Variants in PCDHGB6 observed in about 807,000 individuals in gnomAD.
PCDHGB6 encodes the protein protocadherin gamma-B6.
In PCDHGB6, 51 loss-of-function variants were observed where a neutral mutation model predicts 59.1. That is an observed-to-expected ratio of 0.86 (90% CI 0.69 to 1.09). The LOEUF (loss-of-function observed/expected upper bound fraction) is 1.09, where lower values mean the gene tolerates loss of function less well. Ranked by LOEUF, PCDHGB6 falls within the 50% of genes least tolerant of loss-of-function variation. The pLI is 0.00. For missense variants in PCDHGB6, 1,148 were observed against 1,205.1 expected (o/e 0.95, Z 0.70); for synonymous variants, 466 against 495.1 (o/e 0.94, Z 0.78).
intron 1 of PCDHGB6, among the ~76,000 whole-genome samples, chr5:141,492,418 C>T (rs1428695013): frequency 2.0e-5 from 3 of 152,236 alleles, no homozygotes; most frequent in Admixed American, 1.3e-4. Flanking sequence ...CCGCTCCCTC[C>T]GCCGGGCTCA....
intron 1 of PCDHGB6, among the ~76,000 whole-genome samples, chr5:141,492,876 G>A (rs2099744774): frequency 6.6e-6 from 1 of 152,184 alleles, no homozygotes; most frequent in African/African-American, 2.4e-5. Context: ...TCAACCCCCA[G>A]AGATACAGGC....
In PCDHGB6 at chr5:141,485,031, C is replaced by A; in HGVS notation, c.2419-9776C>A. On this transcript the variant is annotated intron_variant, in intron 1 of 3. Coordinates refer to ENST00000520790, the MANE Select transcript of PCDHGB6 (RefSeq NM_018926.3). The surrounding 1 kb of genome is among the most constrained non-coding windows in gnomAD (Gnocchi z 5.7). Reference sequence around the variant, plus strand: ...TACCCCGCCACCAGCAAAAACGGCGCGTAACCCTTGCGGCGCCGGCCGAAC... The same window carrying A: ...TACCCCGCCACCAGCAAAAACGGCGAGTAACCCTTGCGGCGCCGGCCGAAC... The A allele has an allele frequency of 1.5e-6, 1 of 680,514 alleles. No homozygotes were observed. Among genetic ancestry groups the A allele is most frequent in the South Asian group, 1.8e-5 (1 of 54,868 alleles). 42.2% of individuals were successfully genotyped at this position (680,514 alleles called of 1,614,324 possible). A position where few individuals can be genotyped will look rare whatever the true frequency, so the allele number is the denominator to read the frequency against.
intron 1 of PCDHGB6, chr5:141,423,450 T>G (rs571358720): frequency 1.2e-6 from 2 of 1,614,050 alleles, no homozygotes; most frequent in East Asian, 4.5e-5. Flanking sequence ...CGTCACATTT[T>G]GTAGGCGTGG....
At position 141,486,634 on chromosome 5, in the gene PCDHGB6, T is replaced by C; in HGVS notation, c.2419-8173T>C. 1 of 1,613,762 alleles carries C rather than the reference T, an allele frequency of 6.2e-7. No individual in the cohort carries two copies. The highest frequency in any genetic ancestry group is 8.5e-7 in the Non-Finnish European group (1 of 1,180,044). ...CCTCTGACCCAGACTCTGGCTTGAA[T>C]GCGCTTATCTCCTACTCACTCCTGG... On this transcript the variant is annotated intron_variant, in intron 1 of 3. Coordinates refer to ENST00000520790, the MANE Select transcript of PCDHGB6 (RefSeq NM_018926.3). The surrounding 1 kb of genome is among the most constrained non-coding windows in gnomAD (Gnocchi z 5.0).
intron 1 of PCDHGB6, among the ~76,000 whole-genome samples, chr5:141,473,191 G>A (rs28479996): frequency 0.019 from 2,957 of 152,242 alleles, 87 homozygotes; most frequent in African/African-American, 0.062. Context: ...AGGAGTAAAT[G>A]TATCTTCTAA....
Position 141,421,318 on chromosome 5 carries a change from C to T in PCDHGB6, c.2418+10698C>T, listed in dbSNP as rs370020854. 5.6e-6 allele frequency: 9 copies of T among 1,613,824 alleles called. No homozygotes were observed. In the East Asian group the frequency reaches 2.0e-4, roughly 36 times the overall value. On this transcript the variant is annotated intron_variant, in intron 1 of 3. Coordinates refer to ENST00000520790, the MANE Select transcript of PCDHGB6 (RefSeq NM_018926.3). ...GACGCTGCGGGGGTTCCGGGCCAGG[C>T]AGATCCGATATTCGGTGCCAGAAGA...
Position 141,410,158 on chromosome 5 carries a change from G to A in PCDHGB6, c.1956G>A (p.Pro652=), listed in dbSNP as rs755466762. 6.2e-7 allele frequency: 1 copy of A among 1,613,398 alleles called. No individual in the cohort carries two copies. Among genetic ancestry groups the A allele is most frequent in the Admixed American group, 1.7e-5 (1 of 59,984 alleles). Residue 652 remains proline, a synonymous_variant, in exon 1 of 4, where the codon CCG becomes CCA. Transcript: ENST00000520790. ...TCGCTGTGCGTGACGGTGGACAGCC[G>A]CCACTCTCTGCCACCGCCACGCTTC... ...LLVAVRDGGQ[P]PLSATATLHL...
In PCDHGB6 at chr5:141,409,743, T is replaced by C; in HGVS notation, c.1541T>C (p.Val514Ala). Residue 514 changes from valine (V) to alanine (A), a missense_variant, in exon 1 of 4, where the codon GTG (valine) becomes GCG (alanine). Around this residue, in one of 5 missense-constraint regions of PCDHGB6, gnomAD observed 549 missense variants for 527.5 expected, o/e 1.04. Transcript: ENST00000520790. ...YVSVSAQSGVVFAQRAFDHEQ... is the reference protein window; with the variant it reads ...YVSVSAQSGVAFAQRAFDHEQ... ...TCAGTGAGCGCGCAGAGCGGGGTGGTGTTCGCGCAGCGCGCCTTTGATCAC... is the reference window on the plus strand; with the variant it reads ...TCAGTGAGCGCGCAGAGCGGGGTGGCGTTCGCGCAGCGCGCCTTTGATCAC... 2 of 1,613,048 alleles carry C rather than the reference T, an allele frequency of 1.2e-6. No homozygotes were observed. The highest frequency in any genetic ancestry group is 1.7e-6 in the Non-Finnish European group (2 of 1,179,864).
rs2099748976 is a variant in PCDHGB6, at chr5:141,493,566, C to G, written c.2419-1241C>G. Among the ~76,000 whole-genome samples, 1 of 152,168 alleles carries G rather than the reference C, an allele frequency of 6.6e-6. No individual in the cohort carries two copies. Among genetic ancestry groups the G allele is most frequent in the African/African-American group, 2.4e-5 (1 of 41,436 alleles). ...TTTTGGAGATTGAGTTCCCCCAGCT[C>G]CGTTTCCTCCTATCACAATCACTGC... is the stretch of plus-strand genomic sequence containing the variant. On this transcript the variant is annotated intron_variant, in intron 1 of 3. Transcript: ENST00000520790. The surrounding 1 kb of genome is among the most constrained non-coding windows in gnomAD (Gnocchi z 4.3).
intron 1 of PCDHGB6, chr5:141,423,134 G>A: frequency 6.2e-7 from 1 of 1,613,680 alleles, no homozygotes; most frequent in South Asian, 1.1e-5. Flanking sequence ...CTGCTGGACA[G>A]AGACGCGCTC....
At chr5:141,450,653 A>AT (rs2098689237) in intron 1 of PCDHGB6, among the ~76,000 whole-genome samples, 1 of 151,192 alleles carries the variant, frequency 6.6e-6, no homozygotes, top group Non-Finnish European at 1.5e-5. Context: ...TGCCTGGCTA[A>AT]TTTTTGTACT....
intron 2 of PCDHGB6, among the ~76,000 whole-genome samples, chr5:141,503,998 A>G (rs746158378): frequency 4.6e-5 from 7 of 152,104 alleles, no homozygotes; most frequent in Admixed American, 1.3e-4. Context: ...CCTTACAGTC[A>G]CTTAACTGTC....
intron 1 of PCDHGB6, among the ~76,000 whole-genome samples, chr5:141,438,629 TATATATACACACAC>T (rs1468553117): frequency 3.8e-3 from 181 of 48,054 alleles, no homozygotes; most frequent in Non-Finnish European, 5.4e-3. Flanking sequence ...TATATATATA[TATATATACACACAC>T]ACACACACAT....
At chr5:141,419,723 C>G (rs373666366) in intron 1 of PCDHGB6, 1 of 1,613,174 alleles carries the variant, frequency 6.2e-7, no homozygotes, top group African/African-American at 1.3e-5. Context: ...CCTGGGGCTG[C>G]GAACAGGCGA....
In PCDHGB6 at chr5:141,431,118, A is replaced by T. The variant is rs2097344347; in HGVS notation, c.2418+20498A>T. On this transcript the variant is annotated intron_variant, in intron 1 of 3. Coordinates refer to ENST00000520790, the MANE Select transcript of PCDHGB6 (RefSeq NM_018926.3). This position sits in a 1 kb window ranked among gnomAD's most constrained non-coding sequence, Gnocchi z 4.8. ...GATAAAGTGAAAATATATGGAGTAG[A>T]AGTAGAAGTAAGGGACATTAACGAC... is the stretch of plus-strand genomic sequence containing the variant. The T allele has an allele frequency of 6.2e-7, 1 of 1,614,182 alleles. No homozygotes were observed. Among genetic ancestry groups the T allele is most frequent in the African/African-American group, 1.3e-5 (1 of 75,070 alleles).
chr5:141,475,929 C>A, intron 1 of PCDHGB6: 1 of 634,624 alleles, frequency 1.6e-6, no homozygotes, highest in Non-Finnish European at 2.7e-6. Context: ...GGAGATCGGG[C>A]CCCTGCCCGT....
chr5:141,477,245 A>G lies in PCDHGB6; in HGVS notation c.2419-17562A>G. On this transcript the variant is annotated intron_variant, in intron 1 of 3. Transcript: ENST00000520790. The surrounding 1 kb of genome is among the most constrained non-coding windows in gnomAD (Gnocchi z 4.9). ...GACTGTCATCGCTTTGCTCAGTGTG[A>G]CTGACCTGGATGCTGGCGAGAACGG... 3.7e-6 allele frequency: 6 copies of G among 1,614,128 alleles called. No homozygotes were observed. The highest frequency in any genetic ancestry group is 5.1e-6 in the Non-Finnish European group (6 of 1,180,026).
At chr5:141,474,016 G>A (rs1286684019) in intron 1 of PCDHGB6, among the ~76,000 whole-genome samples, 1 of 152,128 alleles carries the variant, frequency 6.6e-6, no homozygotes, top group Non-Finnish European at 1.5e-5. Context: ...GTTACAGTGA[G>A]CTATGATTAT....
At chr5:141,462,314 A>C (rs1283684392) in intron 1 of PCDHGB6, among the ~76,000 whole-genome samples, 1 of 152,186 alleles carries the variant, frequency 6.6e-6, no homozygotes, top group Non-Finnish European at 1.5e-5. Flanking sequence ...TATATTTGTC[A>C]CTGATTTCTA....
Sources: gnomAD v4.1 joint callset for allele counts (sites outside exome capture counted in the v4.1 genomes callset) on GRCh38, gnomAD v4.1.1 for gene constraint, gnomAD v4.1.1 regional missense constraint, Gnocchi (gnomAD v3.1) non-coding constraint, MANE v1.5 for transcripts, NCBI Gene and HGNC (gene_info 2026-07-23, HGNC 2026-07-21) for gene names.